Variants in ARHGEF7 observed in about 807,000 individuals in gnomAD.
ARHGEF7 encodes Rho guanine nucleotide exchange factor 7.
Under a neutral mutation model 109.8 loss-of-function variants are expected in ARHGEF7, and 33 were observed. The ratio of observed to expected loss-of-function variants is 0.30; its 90% confidence interval spans 0.23 to 0.40. The LOEUF (loss-of-function observed/expected upper bound fraction) is 0.40, where lower values mean the gene tolerates loss of function less well. ARHGEF7 is among the 10% of genes least tolerant of loss of function. The pLI is 1.00. For missense variants in ARHGEF7, 938 were observed against 1,098.5 expected (o/e 0.85, Z 2.07); for synonymous variants, 458 against 424.6 (o/e 1.08, Z -0.97).
At chr13:111,257,138 G>A (rs376576452) in intron 8 of ARHGEF7, among the ~76,000 whole-genome samples, 38 of 152,308 alleles carry the variant, frequency 2.5e-4, no homozygotes, top group Admixed American at 4.6e-4. Flanking sequence ...CTGAAAGTGG[G>A]ATTTTCCCCC....
chr13:111,276,748 G>A (rs772420980), intron 12 of ARHGEF7, among the ~76,000 whole-genome samples: 1 of 152,146 alleles, frequency 6.6e-6, no homozygotes, highest in Non-Finnish European at 1.5e-5. Flanking sequence ...TTTAAAGTAC[G>A]GAAGACTCTT....
At chr13:111,152,437 T>G (rs1226065137) in intron 1 of ARHGEF7, among the ~76,000 whole-genome samples, 2 of 152,236 alleles carry the variant, frequency 1.3e-5, no homozygotes, top group African/African-American at 2.4e-5. Flanking sequence ...AGCTTTGCTT[T>G]TGCCATTCCA....
At chr13:111,271,748 C>G (rs1239370931) in intron 9 of ARHGEF7, among the ~76,000 whole-genome samples, 1 of 152,164 alleles carries the variant, frequency 6.6e-6, no homozygotes, top group African/African-American at 2.4e-5. Context: ...GGCAGCCTTA[C>G]AGAAATAATT....
chr13:111,184,985 G>A (rs1338613770), intron 2 of ARHGEF7: 1 of 152,486 alleles, frequency 6.6e-6, no homozygotes, highest in Non-Finnish European at 1.5e-5. Flanking sequence ...GCTCCCAGGG[G>A]ATTTCGCTTC....
chr13:111,288,745 C>A (rs1035412344), intron 18 of ARHGEF7, among the ~76,000 whole-genome samples: 1 of 152,162 alleles, frequency 6.6e-6, no homozygotes, highest in Admixed American at 6.5e-5. Context: ...TAAGAGAAGA[C>A]GTGTTTAGAA....
chr13:111,160,128 T>A (rs2076633335), intron 2 of ARHGEF7, among the ~76,000 whole-genome samples: 1 of 152,242 alleles, frequency 6.6e-6, no homozygotes, highest in African/African-American at 2.4e-5. Context: ...CCATTGGGTG[T>A]TCTTGGCACC....
chr13:111,143,327 T>C (rs1261909077), intron 1 of ARHGEF7, among the ~76,000 whole-genome samples: 2 of 152,194 alleles, frequency 1.3e-5, no homozygotes, highest in African/African-American at 4.8e-5. Flanking sequence ...ACACAGCTAG[T>C]ACCCACCTTG....
chr13:111,211,373 C>G (rs3783089), intron 4 of ARHGEF7, among the ~76,000 whole-genome samples: 1 of 151,986 alleles, frequency 6.6e-6, no homozygotes. Context: ...CTGTCTCACC[C>G]GTTCACTGGT....
chr13:111,169,068 A>G (rs1194376817), intron 2 of ARHGEF7, among the ~76,000 whole-genome samples: 2 of 152,204 alleles, frequency 1.3e-5, no homozygotes, highest in Non-Finnish European at 2.9e-5. Flanking sequence ...AATAATGACA[A>G]TAGTAGCGGT....
chr13:111,206,160 G>A (rs771620338), intron 3 of ARHGEF7, among the ~76,000 whole-genome samples: 1 of 151,682 alleles, frequency 6.6e-6, no homozygotes, highest in Non-Finnish European at 1.5e-5. Flanking sequence ...GGAAAGTGCC[G>A]TGTCCTTTTC....
At chr13:111,215,283 C>T (rs2082983894) in intron 4 of ARHGEF7, among the ~76,000 whole-genome samples, 1 of 152,068 alleles carries the variant, frequency 6.6e-6, no homozygotes, top group Non-Finnish European at 1.5e-5. Context: ...GCTGAGGGGG[C>T]GATCTTGCTG....
intron 13 of ARHGEF7, among the ~76,000 whole-genome samples, chr13:111,279,680 C>A (rs2092681158): frequency 6.6e-6 from 1 of 152,224 alleles, no homozygotes. Flanking sequence ...GGTATCTTTC[C>A]ATTGACATTT....
intron 8 of ARHGEF7, among the ~76,000 whole-genome samples, chr13:111,257,937 G>A (rs770398800): frequency 5.4e-4 from 82 of 152,214 alleles, no homozygotes; most frequent in Admixed American, 7.2e-4. Context: ...GGCAGGCCCC[G>A]CCACTGTGGG....
At position 111,304,982 on chromosome 13, in the gene ARHGEF7, T is replaced by G. The variant is rs2093627490; in HGVS notation, c.*1869T>G. The G allele has an allele frequency of 6.6e-6, 1 of 152,252 alleles. No homozygotes were observed. The allele number at this position is 152,252 out of a possible 1,614,324, so 9.4% of individuals were successfully genotyped here. The stretch of plus-strand genomic sequence containing the variant: ...TAGCAGGTTTTAACTCAGGAACAAC[T>G]CTTGTCTGATCTCTCCGCCCCTCTG... On this transcript the variant is annotated 3_prime_UTR_variant, in exon 22 of 22. Transcript: ENST00000646102.
chr13:111,153,768 C>G, intron 1 of ARHGEF7, 137 bp from the exon 2 acceptor site: 9 of 1,358,452 alleles, frequency 6.6e-6, no homozygotes, highest in Non-Finnish European at 8.5e-6. Context: ...GGGCAGCGGG[C>G]TCGCTCCAGG....
In ARHGEF7 at chr13:111,266,845, G is replaced by A. The variant is rs1232032499; in HGVS notation, c.951-703G>A. 3 of 455,884 alleles carry A rather than the reference G, an allele frequency of 6.6e-6. No homozygotes were observed. Among genetic ancestry groups the A allele is most frequent in the South Asian group, 1.5e-5 (1 of 64,564 alleles). 28.2% of individuals were successfully genotyped at this position (455,884 alleles called of 1,614,324 possible). On this transcript the variant is annotated intron_variant, in intron 8 of 21. Coordinates refer to ENST00000646102, the MANE Select transcript of ARHGEF7 (RefSeq NM_001354046.2). This position sits in a 1 kb window ranked among gnomAD's most constrained non-coding sequence, Gnocchi z 4.8. ...TTTTCAGCACACGTGCCCCTGCTCC[G>A]GGTTGTTGCTGTTGTCCTTCAGAAA...
intron 4 of ARHGEF7, among the ~76,000 whole-genome samples, chr13:111,214,180 C>A (rs1177479467): frequency 6.6e-6 from 1 of 152,214 alleles, no homozygotes; most frequent in Non-Finnish European, 1.5e-5. Flanking sequence ...GGCGTGCCTC[C>A]CTCACCCGTA....
intron 1 of ARHGEF7, among the ~76,000 whole-genome samples, chr13:111,138,663 G>A (rs144734937): frequency 1.0e-3 from 154 of 152,268 alleles, no homozygotes; most frequent in African/African-American, 3.4e-3. Context: ...CGCTCGCACC[G>A]TCCTTTCGGC....
At chr13:111,236,277 A>G (rs2086810337) in intron 6 of ARHGEF7, among the ~76,000 whole-genome samples, 1 of 152,228 alleles carries the variant, frequency 6.6e-6, no homozygotes, top group South Asian at 2.1e-4. Context: ...ACATATTTAT[A>G]ACAGCTGCTT....
Sources: allele counts gnomAD v4.1 joint callset (sites outside exome capture counted in the v4.1 genomes callset), GRCh38; gene constraint gnomAD v4.1.1; non-coding constraint Gnocchi (gnomAD v3.1); transcripts MANE v1.5; gene names NCBI Gene and HGNC (gene_info 2026-07-23, HGNC 2026-07-21).